RTN3: variants seen among roughly 807,000 people sequenced by gnomAD.
RTN3 encodes the protein reticulon-3.
A neutral mutation model predicts 77.8 loss-of-function variants in RTN3; 49 were observed. That is an observed-to-expected ratio of 0.63 (90% CI 0.50 to 0.80). The LOEUF (loss-of-function observed/expected upper bound fraction) is 0.80. Among genes scored for constraint, RTN3 ranks in the 30% least tolerant of loss-of-function variants. The pLI, the probability that RTN3 is intolerant of heterozygous loss-of-function variation, is 0.00. For missense variants in RTN3, 1,236 were observed against 1,211.9 expected, an observed-to-expected ratio of 1.02 and a Z score of -0.29; for synonymous variants, 464 against 446.9, an observed-to-expected ratio of 1.04 and a Z score of -0.48.
intron 3 of RTN3, among the ~76,000 whole-genome samples, chr11:63,725,583 G>A (rs1191270827): frequency 1.3e-5 from 2 of 152,022 alleles, no homozygotes; most frequent in African/African-American, 4.8e-5. Flanking sequence ...TGAGTAGCTG[G>A]GACTACAGGC....
At chr11:63,749,441 C>G (rs921124569) in intron 3 of RTN3, among the ~76,000 whole-genome samples, 1 of 152,114 alleles carries the variant, frequency 6.6e-6, no homozygotes, top group African/African-American at 2.4e-5. Flanking sequence ...TGCCCCTGCC[C>G]CAATTTATAC....
At chr11:63,730,422 G>GAA (rs2012607586) in intron 3 of RTN3, among the ~76,000 whole-genome samples, 1 of 152,218 alleles carries the variant, frequency 6.6e-6, no homozygotes, top group Non-Finnish European at 1.5e-5. Flanking sequence ...CATGATAAAA[G>GAA]ATACCAGGAA....
At chr11:63,744,620 TTTG>T (rs1435087340) in intron 3 of RTN3, among the ~76,000 whole-genome samples, 1 of 152,170 alleles carries the variant, frequency 6.6e-6, no homozygotes, top group Non-Finnish European at 1.5e-5. Context: ...TATGTGGTGC[TTTG>T]TTGTCCACAT....
chr11:63,738,565 T>G (rs1388246203), intron 3 of RTN3, among the ~76,000 whole-genome samples: 1 of 149,728 alleles, frequency 6.7e-6, no homozygotes, highest in Non-Finnish European at 1.5e-5. Flanking sequence ...TCACCTGAGC[T>G]CGGGAAGTCG....
intron 4 of RTN3, chr11:63,750,407 T>A: frequency 1.8e-6 from 1 of 547,180 alleles, no homozygotes; most frequent in Non-Finnish European, 3.2e-6. Context: ...AATTAGAGGC[T>A]CATACTTGAA....
intron 1 of RTN3, among the ~76,000 whole-genome samples, chr11:63,687,419 C>G (rs1941431246): frequency 6.6e-6 from 1 of 152,146 alleles, no homozygotes; most frequent in Non-Finnish European, 1.5e-5. Context: ...GAGTTCGAGA[C>G]CAGCCTGGCC....
intron 3 of RTN3, among the ~76,000 whole-genome samples, chr11:63,730,900 A>G (rs777636583): frequency 2.6e-5 from 4 of 152,162 alleles, no homozygotes; most frequent in Non-Finnish European, 4.4e-5. Context: ...AATTAACTAG[A>G]CACACCCAGG....
intron 3 of RTN3, among the ~76,000 whole-genome samples, chr11:63,733,579 A>G (rs2012853261): frequency 1.3e-5 from 2 of 152,066 alleles, no homozygotes; most frequent in Non-Finnish European, 2.9e-5. Context: ...AAAGTGTTTG[A>G]AAATGTTTGG....
chr11:63,727,471 C>T (rs1023184452), intron 3 of RTN3, among the ~76,000 whole-genome samples: 4 of 149,598 alleles, frequency 2.7e-5, no homozygotes, highest in African/African-American at 7.3e-5. Context: ...ACCTAGAAAT[C>T]GAAACAAAAA....
intron 2 of RTN3, among the ~76,000 whole-genome samples, chr11:63,709,921 A>G (rs1350424870): frequency 2.0e-5 from 3 of 152,162 alleles, no homozygotes; most frequent in African/African-American, 7.2e-5. Context: ...AAAGTAATGA[A>G]TTTCTTAGGT....
chr11:63,726,587 G>A (rs902655166), intron 3 of RTN3, among the ~76,000 whole-genome samples: 1 of 152,222 alleles, frequency 6.6e-6, no homozygotes, highest in African/African-American at 2.4e-5. Flanking sequence ...ACTGGGCCGG[G>A]TGCAATGGCC....
chr11:63,698,096 C>T (rs144559070), intron 1 of RTN3, among the ~76,000 whole-genome samples: 1 of 151,804 alleles, frequency 6.6e-6, no homozygotes, highest in African/African-American at 2.4e-5. Flanking sequence ...TTTTAGTCAT[C>T]AATGCGAAAT....
intron 3 of RTN3, among the ~76,000 whole-genome samples, chr11:63,746,602 C>T (rs1252244071): frequency 6.6e-6 from 1 of 151,984 alleles, no homozygotes; most frequent in Non-Finnish European, 1.5e-5. Context: ...GCAAGCTCTG[C>T]CTCCCAGGTC....
intron 2 of RTN3, among the ~76,000 whole-genome samples, chr11:63,718,007 C>T (rs1212878783): frequency 1.4e-5 from 2 of 143,900 alleles, no homozygotes; most frequent in Non-Finnish European, 1.5e-5. Flanking sequence ...AAGAAAAAGA[C>T]TCCGTATCAA....
intron 2 of RTN3, among the ~76,000 whole-genome samples, chr11:63,712,556 G>A (rs1054284039): frequency 2.0e-5 from 3 of 149,236 alleles, no homozygotes; most frequent in Admixed American, 1.4e-4. Context: ...TGTGATCTTG[G>A]CTCACCGCAA....
intron 3 of RTN3, among the ~76,000 whole-genome samples, chr11:63,721,891 T>C (rs373893098): frequency 1.3e-5 from 2 of 152,324 alleles, no homozygotes; most frequent in African/African-American, 2.4e-5. Flanking sequence ...GTAACCAGTA[T>C]TGTAGTACTA....
intron 2 of RTN3, among the ~76,000 whole-genome samples, chr11:63,710,385 A>G (rs903890454): frequency 6.6e-6 from 1 of 151,636 alleles, no homozygotes; most frequent in Non-Finnish European, 1.5e-5. Flanking sequence ...TAAACTCCCC[A>G]TCTTGCTCTG....
At chr11:63,696,390 C>T (rs1419486546) in intron 1 of RTN3, among the ~76,000 whole-genome samples, 1 of 148,854 alleles carries the variant, frequency 6.7e-6, no homozygotes, top group African/African-American at 2.5e-5. Flanking sequence ...AAACAAGACT[C>T]TGTCTCAAAA....
chr11:63,719,300 G>C lies in RTN3; in HGVS notation c.798G>C (p.Lys266Asn). The change falls in exon 3 of 9, where the codon AAG becomes AAC. Residue 266 changes from lysine (K) to asparagine (N), a missense_variant. Transcript: ENST00000377819. ...AFDKEFKDSY[K>N]ESTDDFGSWS... ...ACAAAGAATTTAAAGACTCATATAA[G>C]GAGAGCACAGATGATTTTGGTAGCT... The C allele has an allele frequency of 6.2e-7, 1 of 1,614,120 alleles. No homozygotes were observed. The highest frequency in any genetic ancestry group is 8.5e-7 in the Non-Finnish European group (1 of 1,180,020).
Sources: gnomAD v4.1 joint callset for allele counts (sites outside exome capture counted in the v4.1 genomes callset) on GRCh38, gnomAD v4.1.1 for gene constraint, MANE v1.5 for transcripts, NCBI Gene and HGNC (gene_info 2026-07-23, HGNC 2026-07-21) for gene names.